DLEU7: variants seen among roughly 807,000 people sequenced by gnomAD.
DLEU7 encodes the protein leukemia-associated protein 7.
Under a neutral mutation model 16.0 loss-of-function variants are expected in DLEU7, and 17 were observed. The observed-to-expected ratio is 1.06, with a 90% CI of 0.73 to 1.59. The LOEUF (loss-of-function observed/expected upper bound fraction) is 1.59. DLEU7 is among the 40% of genes most tolerant of loss of function. DLEU7 has a pLI of 0.00. For synonymous variants in DLEU7, 113 were observed against 139.8 expected (o/e 0.81, Z 1.35); for missense variants, 308 against 314.9 (o/e 0.98, Z 0.17).
At chr13:50,738,962 TACACACACACACACACAC>T (rs55722607) in intron 1 of DLEU7, among the ~76,000 whole-genome samples, 6,016 of 144,730 alleles carry the variant, frequency 0.042, 381 homozygotes, top group African/African-American at 0.14. Flanking sequence ...TAAAAAATAA[TACACACACACACACACAC>T]ACACACACAC....
At chr13:50,821,513 G>C (rs1459835184), downstream of DLEU7, among the ~76,000 whole-genome samples, 4 of 152,066 alleles carry the variant, frequency 2.6e-5, no homozygotes, top group Admixed American at 2.6e-4. Flanking sequence ...ATAAACACCA[G>C]AAAAGTAGCA....
intron 1 of DLEU7, among the ~76,000 whole-genome samples, chr13:50,735,078 A>G (rs1874025837): frequency 3.3e-5 from 5 of 152,198 alleles, no homozygotes; most frequent in Admixed American, 3.3e-4. Context: ...ATAATGATAA[A>G]ATACCCAATT....
intron 1 of DLEU7, among the ~76,000 whole-genome samples, chr13:50,740,494 G>A (rs1452802387): frequency 6.6e-6 from 1 of 152,130 alleles, no homozygotes; most frequent in Non-Finnish European, 1.5e-5. Context: ...AGATAGAACA[G>A]GCATTGCTAA....
At chr13:50,823,950 T>C (rs1403592040) in intron 1 of DLEU7, among the ~76,000 whole-genome samples, 1 of 152,216 alleles carries the variant, frequency 6.6e-6, no homozygotes, top group Non-Finnish European at 1.5e-5. Flanking sequence ...ACTTTCTGAG[T>C]ATGTGGCTCT....
intron 1 of DLEU7, among the ~76,000 whole-genome samples, chr13:50,752,598 C>T (rs984002779): frequency 4.6e-5 from 7 of 151,646 alleles, no homozygotes; most frequent in Admixed American, 3.9e-4. Context: ...TGGTGGGGTT[C>T]GTGGTCTCGC....
chr13:50,723,613 G>A (rs1029897951), intron 1 of DLEU7, among the ~76,000 whole-genome samples: 7 of 152,066 alleles, frequency 4.6e-5, no homozygotes, highest in Non-Finnish European at 1.0e-4. Flanking sequence ...CCTTCTTGCT[G>A]TGTCCTCATG....
At chr13:50,820,570 C>G (rs1289891046), downstream of DLEU7, among the ~76,000 whole-genome samples, 1 of 152,072 alleles carries the variant, frequency 6.6e-6, no homozygotes. Flanking sequence ...GAGGAACATG[C>G]TCTTCTGATG....
At chr13:50,825,907 C>G (rs150366885) in intron 1 of DLEU7, among the ~76,000 whole-genome samples, 1,729 of 152,218 alleles carry the variant, frequency 0.011, 45 homozygotes, top group Admixed American at 0.064. Flanking sequence ...ATGTGCACAA[C>G]GTGCAGGTTT....
chr13:50,747,332 CTGTGTG>C (rs3039979), intron 1 of DLEU7, among the ~76,000 whole-genome samples: 1,420 of 137,804 alleles, frequency 0.01, 14 homozygotes, highest in African/African-American at 0.03. Context: ...AAGAAAAACT[CTGTGTG>C]TGTGTGTGTG....
chr13:50,843,145 G>T lies in DLEU7; in HGVS notation c.459+43C>A. 1 of 1,551,406 alleles carries T rather than the reference G, an allele frequency of 6.4e-7. No individual in the cohort carries two copies. Among genetic ancestry groups the T allele is most frequent in the Non-Finnish European group, 8.7e-7 (1 of 1,149,154 alleles). ...GCAGCCCCACCCTTGGAGGATGGGAGGTTACCCTGCACGCCAGAGGGGATG... is the reference window on the plus strand; with the variant it reads ...GCAGCCCCACCCTTGGAGGATGGGATGTTACCCTGCACGCCAGAGGGGATG... On this transcript the variant is annotated intron_variant, in intron 1 of 1. Coordinates refer to ENST00000504404, the MANE Select transcript of DLEU7 (RefSeq NM_001306135.2). The surrounding 1 kb of genome is among the most constrained non-coding windows in gnomAD (Gnocchi z 5.7).
chr13:50,787,493 C>T (rs902628931), intron 1 of DLEU7, among the ~76,000 whole-genome samples: 86 of 152,128 alleles, frequency 5.7e-4, no homozygotes, highest in African/African-American at 1.5e-3. Flanking sequence ...AATCAAAGGG[C>T]GGCACCCCTC....
At chr13:50,776,036 TGAA>T (rs1298283585) in intron 1 of DLEU7, among the ~76,000 whole-genome samples, 2 of 152,230 alleles carry the variant, frequency 1.3e-5, no homozygotes, top group Non-Finnish European at 2.9e-5. Context: ...TTTATTCCCA[TGAA>T]GATGTTGTTT....
At chr13:50,780,461 T>C (rs1049643517) in intron 1 of DLEU7, among the ~76,000 whole-genome samples, 8 of 152,204 alleles carry the variant, frequency 5.3e-5, no homozygotes, top group Admixed American at 5.2e-4. Context: ...GAAAACAGCA[T>C]TTACTAGTAA....
chr13:50,830,277 G>C (rs967867394), intron 1 of DLEU7, among the ~76,000 whole-genome samples: 1 of 152,240 alleles, frequency 6.6e-6, no homozygotes, highest in Non-Finnish European at 1.5e-5. Context: ...ATCTATTGGG[G>C]TAATGGCCTT....
intron 1 of DLEU7, among the ~76,000 whole-genome samples, chr13:50,733,718 CT>C (rs1301043536): frequency 2.0e-5 from 3 of 152,176 alleles, no homozygotes; most frequent in African/African-American, 7.2e-5. Context: ...GTTTTTCCTT[CT>C]AATAAAGCCC....
intron 1 of DLEU7, among the ~76,000 whole-genome samples, chr13:50,776,020 C>T (rs187740141): frequency 2.6e-5 from 4 of 152,144 alleles, no homozygotes; most frequent in Non-Finnish European, 5.9e-5. Flanking sequence ...TTTTTCAAAT[C>T]AGCCTTTTAT....
chr13:50,790,034 G>A (rs1039109356), intron 1 of DLEU7, among the ~76,000 whole-genome samples: 2 of 151,246 alleles, frequency 1.3e-5, no homozygotes, highest in South Asian at 2.1e-4. Flanking sequence ...CCAGGTTCAA[G>A]TGATTCTCCT....
At chr13:50,752,141 T>C (rs1231228478) in intron 1 of DLEU7, among the ~76,000 whole-genome samples, 2 of 150,552 alleles carry the variant, frequency 1.3e-5, no homozygotes, top group Non-Finnish European at 3.0e-5. Flanking sequence ...AAGCTCTGCC[T>C]CCCAGGTTCA....
chr13:50,767,318 T>C (rs1875146433), intron 1 of DLEU7, among the ~76,000 whole-genome samples: 1 of 151,556 alleles, frequency 6.6e-6, no homozygotes, highest in African/African-American at 2.4e-5. Context: ...TAGCCGGGCG[T>C]GGTGGCGGGC....
Sources: allele counts gnomAD v4.1 joint callset (sites outside exome capture counted in the v4.1 genomes callset), GRCh38; gene constraint gnomAD v4.1.1; non-coding constraint Gnocchi (gnomAD v3.1); transcripts MANE v1.5; gene names NCBI Gene and HGNC (gene_info 2026-07-23, HGNC 2026-07-21).